The following TTC7A variants were observed in gnomAD, a reference collection of about 807,000 sequenced individuals.
TTC7A encodes tetratricopeptide repeat domain 7A, also known as tetratricopeptide repeat protein 7A.
A neutral mutation model predicts 103.7 loss-of-function variants in TTC7A; 110 were observed. The observed-to-expected ratio is 1.06, with a 90% CI of 0.91 to 1.24. The LOEUF is 1.24. Ranked by LOEUF, TTC7A falls within the 50% of genes most tolerant of loss-of-function variation. TTC7A has a pLI of 0.00. For missense variants in TTC7A, 1,340 were observed against 1,116.3 expected, an observed-to-expected ratio of 1.20 and a Z score of -2.86; for synonymous variants, 521 against 467.9, an observed-to-expected ratio of 1.11 and a Z score of -1.47.
At chr2:46,929,460 G>A (rs1447150215) in intron 2 of TTC7A, among the ~76,000 whole-genome samples, 1 of 152,014 alleles carries the variant, frequency 6.6e-6, no homozygotes, top group Non-Finnish European at 1.5e-5. Flanking sequence ...CTCCAGCCTG[G>A]GCAACAGAGC....
At chr2:46,923,439 G>T (rs1052762400) in intron 2 of TTC7A, among the ~76,000 whole-genome samples, 2 of 152,186 alleles carry the variant, frequency 1.3e-5, no homozygotes, top group Non-Finnish European at 1.5e-5. Flanking sequence ...AGGATTGTAG[G>T]AGTTGTATGC....
intron 2 of TTC7A, among the ~76,000 whole-genome samples, chr2:46,931,539 G>T (rs1429017138): frequency 6.6e-6 from 1 of 152,122 alleles, no homozygotes; most frequent in Non-Finnish European, 1.5e-5. Flanking sequence ...CAGAGTAGAG[G>T]TGCCCATGGA....
Position 46,941,806 on chromosome 2 carries a change from C to A in TTC7A, c.184+81C>A. On this transcript the variant is annotated intron_variant, in intron 1 of 19. Coordinates refer to ENST00000319190, the MANE Select transcript of TTC7A (RefSeq NM_020458.4). This position sits in a 1 kb window ranked among gnomAD's most constrained non-coding sequence, Gnocchi z 4.2. ...CCTCCAGGAAGCGCGCCCAGACAGT[C>A]CTCGGCCGACAGCGGGCGCCTGCCA... The A allele has an allele frequency of 6.6e-7, 1 of 1,515,744 alleles. No individual in the cohort carries two copies. The highest frequency in any genetic ancestry group is 1.2e-5 in the South Asian group (1 of 81,626). The allele number at this position is 1,515,744 out of a possible 1,614,324, so 93.9% of individuals were successfully genotyped here.
rs146284515 is a variant in TTC7A at position 47,006,045 on chromosome 2, G to A, written c.1189G>A (p.Val397Ile). 1.3e-4 allele frequency: 213 copies of A among 1,613,746 alleles called. No homozygotes were observed. In the East Asian group the frequency reaches 1.5e-3, roughly 11 times the overall value. Residue 397 changes from valine to isoleucine, a missense_variant, in exon 9 of 20, where the codon GTC (valine) becomes ATC (isoleucine). Coordinates refer to ENST00000319190, the MANE Select transcript of TTC7A (RefSeq NM_020458.4). Reference sequence around the variant, plus strand: ...CACGTTGGGCAGAAGGGGACAGTACGTCATGCTCTCGGAGGTACGGCCGGC... The same window carrying A: ...CACGTTGGGCAGAAGGGGACAGTACATCATGCTCTCGGAGGTACGGCCGGC... ...SITLGRRGQY[V>I]MLSECLERAM...
Position 46,941,881 on chromosome 2 carries a change from C to T in TTC7A, c.184+156C>T. The T allele has an allele frequency of 2.2e-6, 2 of 923,186 alleles. No homozygotes were observed. The highest frequency in any genetic ancestry group is 3.2e-6 in the Non-Finnish European group (2 of 617,386). The allele number at this position is 923,186 out of a possible 1,614,324, so 57.2% of individuals were successfully genotyped here. A position where few individuals can be genotyped will look rare whatever the true frequency, so the allele number is the denominator to read the frequency against. The stretch of plus-strand genomic sequence containing the variant: ...AGCCAGGGCAGTTAGGAAGGTCCTT[C>T]TGCCGCGAGAGAAAAATCACATGTG... On this transcript the variant is annotated intron_variant, in intron 1 of 19. Coordinates refer to ENST00000319190, the MANE Select transcript of TTC7A (RefSeq NM_020458.4). This position sits in a 1 kb window ranked among gnomAD's most constrained non-coding sequence, Gnocchi z 4.2.
chr2:46,971,876 C>G (rs1422757450), intron 3 of TTC7A, among the ~76,000 whole-genome samples: 1 of 147,140 alleles, frequency 6.8e-6, no homozygotes, highest in African/African-American at 2.5e-5. Flanking sequence ...ACCAATAGTT[C>G]AGAAGGACAG....
At chr2:46,981,774 C>G (rs1035811991) in intron 5 of TTC7A, among the ~76,000 whole-genome samples, 1 of 152,228 alleles carries the variant, frequency 6.6e-6, no homozygotes, top group Non-Finnish European at 1.5e-5. Flanking sequence ...TTCCATCTAG[C>G]AGGTATCCCT....
At chr2:46,970,016 G>C (rs1368334910) in intron 3 of TTC7A, among the ~76,000 whole-genome samples, 1 of 152,084 alleles carries the variant, frequency 6.6e-6, no homozygotes, top group Non-Finnish European at 1.5e-5. Context: ...AATTGAAATG[G>C]GTCTTGTTCT....
chr2:47,053,463 C>T (rs961422946), intron 18 of TTC7A, among the ~76,000 whole-genome samples: 5 of 152,122 alleles, frequency 3.3e-5, no homozygotes, highest in African/African-American at 1.2e-4. Context: ...GTTGCCTGTA[C>T]CAGAGCTCCC....
chr2:46,951,527 C>T (rs1671406634), intron 2 of TTC7A: 5 of 449,864 alleles, frequency 1.1e-5, no homozygotes, highest in Admixed American at 9.5e-5. Flanking sequence ...CTCCCTCCCT[C>T]CCTTCCTTCC....
chr2:46,930,715 G>T (rs957822885), intron 2 of TTC7A, among the ~76,000 whole-genome samples: 2 of 151,984 alleles, frequency 1.3e-5, no homozygotes, highest in African/African-American at 4.8e-5. Context: ...GGCCAAGCTG[G>T]TCTCGAACTC....
At chr2:46,978,705 G>A in intron 4 of TTC7A, 87 bp from the exon 5 acceptor site, 2 of 977,474 alleles carry the variant, frequency 2.0e-6, no homozygotes, top group Non-Finnish European at 3.2e-6. Context: ...CTGGGACTGG[G>A]ATGGTGATGA....
upstream of TTC7A, among the ~76,000 whole-genome samples, chr2:46,937,802 G>A (rs1234757447): frequency 2.6e-5 from 4 of 152,228 alleles, no homozygotes; most frequent in African/African-American, 4.8e-5. This position sits in a 1 kb window ranked among gnomAD's most constrained non-coding sequence, Gnocchi z 4.0. Flanking sequence ...AGCTGTGAAC[G>A]TTAGTCAAGG....
intron 4 of TTC7A, chr2:46,978,233 T>G (rs1674064538): frequency 6.5e-6 from 1 of 153,286 alleles, no homozygotes; most frequent in Admixed American, 6.5e-5. Flanking sequence ...GACAGAGAAG[T>G]CCTCCTGCAG....
chr2:47,006,165 G>C lies in TTC7A; in HGVS notation c.1203+106G>C. The stretch of plus-strand genomic sequence containing the variant: ...TCTCCACCTGTCATTCCCCTGCCAG[G>C]CTGCTCTGCCGCTTTGACCTCGGCA... On this transcript the variant is annotated intron_variant, in intron 9 of 19. Coordinates refer to ENST00000319190, the MANE Select transcript of TTC7A (RefSeq NM_020458.4). 4 of 1,474,020 alleles carry C rather than the reference G, an allele frequency of 2.7e-6. 1 individual carries two copies. The highest frequency in any genetic ancestry group is 3.7e-6 in the Non-Finnish European group (4 of 1,091,286). 91.3% of individuals were successfully genotyped at this position (1,474,020 alleles called of 1,614,324 possible). A position where few individuals can be genotyped will look rare whatever the true frequency, so the allele number is the denominator to read the frequency against.
At chr2:47,057,666 A>G (rs972682934) in intron 18 of TTC7A, among the ~76,000 whole-genome samples, 1 of 152,138 alleles carries the variant, frequency 6.6e-6, no homozygotes, top group Non-Finnish European at 1.5e-5. Flanking sequence ...CCACCCTGCA[A>G]AAGTCACACC....
intron 18 of TTC7A, among the ~76,000 whole-genome samples, chr2:47,057,379 G>A (rs570744260): frequency 6.6e-6 from 1 of 152,322 alleles, no homozygotes; most frequent in South Asian, 2.1e-4. Context: ...GTGCTCTCTG[G>A]TGTGTGGCCA....
At position 47,029,073 on chromosome 2, in the gene TTC7A, G is replaced by A. The variant is rs1372264980; in HGVS notation, c.1642-151G>A. ...GACCCCTCCTCGCCAGGCCATCTGG[G>A]GCAGGTGTTTTCTCACAGCAGCCTC... On this transcript the variant is annotated intron_variant, in intron 14 of 19. Coordinates refer to ENST00000319190, the MANE Select transcript of TTC7A (RefSeq NM_020458.4). 1.7e-5 allele frequency: 14 copies of A among 802,742 alleles called. No individual in the cohort carries two copies. The African/African-American group carries it at 2.2e-4, about 13-fold the overall frequency. The allele number at this position is 802,742 out of a possible 1,614,324, so 49.7% of individuals were successfully genotyped here. A position where few individuals can be genotyped will look rare whatever the true frequency, so the allele number is the denominator to read the frequency against.
intron 11 of TTC7A, among the ~76,000 whole-genome samples, chr2:47,016,542 A>G (rs1015273013): frequency 6.6e-6 from 1 of 152,242 alleles, no homozygotes; most frequent in Non-Finnish European, 1.5e-5. Flanking sequence ...TTTAGTGGCA[A>G]GGTTCCATGG....
Sources: allele counts gnomAD v4.1 joint callset (sites outside exome capture counted in the v4.1 genomes callset), GRCh38; gene constraint gnomAD v4.1.1; non-coding constraint Gnocchi (gnomAD v3.1); transcripts MANE v1.5; gene names NCBI Gene and HGNC (gene_info 2026-07-23, HGNC 2026-07-21).